ANKS1B: variants seen among roughly 807,000 people sequenced by gnomAD.
ANKS1B encodes ankyrin repeat and sterile alpha motif domain containing 1B.
In ANKS1B, 36 loss-of-function variants were observed where a neutral mutation model predicts 148.3. The ratio of observed to expected loss-of-function variants is 0.24; its 90% CI spans 0.19 to 0.32. ANKS1B has a LOEUF of 0.32. ANKS1B is among the 10% of genes least tolerant of loss of function. The pLI is 1.00. For synonymous variants in ANKS1B, 542 were observed against 560.8 expected (o/e 0.97, Z 0.47); for missense variants, 1,157 against 1,542.6 (o/e 0.75, Z 4.19).
intron 11 of ANKS1B, among the ~76,000 whole-genome samples, chr12:99,426,908 C>G (rs1013145406): frequency 2.6e-5 from 4 of 152,122 alleles, no homozygotes; most frequent in Non-Finnish European, 5.9e-5. Flanking sequence ...CTCACCATTT[C>G]AGTAAATGGC....
chr12:99,455,838 G>C (rs922908252), intron 10 of ANKS1B, among the ~76,000 whole-genome samples: 1 of 151,992 alleles, frequency 6.6e-6, no homozygotes, highest in African/African-American at 2.4e-5. Flanking sequence ...TGCTGGCCCT[G>C]GTAGCTGAAG....
intron 17 of ANKS1B, among the ~76,000 whole-genome samples, chr12:99,019,964 A>G (rs1418455400): frequency 1.3e-5 from 2 of 152,310 alleles, no homozygotes; most frequent in South Asian, 4.1e-4. Context: ...CAGAAAAAGA[A>G]TTCAGAATAA....
intron 12 of ANKS1B, among the ~76,000 whole-genome samples, chr12:99,334,450 C>T (rs1049208270): frequency 6.6e-6 from 1 of 152,042 alleles, no homozygotes; most frequent in Non-Finnish European, 1.5e-5. Flanking sequence ...AAAAATTATA[C>T]TTGCTCAATA....
At chr12:99,043,644 A>G (rs1043883291) in intron 17 of ANKS1B, among the ~76,000 whole-genome samples, 1 of 152,212 alleles carries the variant, frequency 6.6e-6, no homozygotes, top group East Asian at 1.9e-4. Context: ...AGCATAATAC[A>G]TTTCTTTACA....
intron 17 of ANKS1B, chr12:98,895,144 A>G: frequency 3.0e-6 from 3 of 984,026 alleles, no homozygotes; most frequent in Non-Finnish European, 3.6e-6. Context: ...GCTCGGGCGG[A>G]CCCTCACTGC....
At chr12:99,524,978 T>C (rs905067122) in intron 9 of ANKS1B, among the ~76,000 whole-genome samples, 1 of 152,084 alleles carries the variant, frequency 6.6e-6, no homozygotes, top group African/African-American at 2.4e-5. Flanking sequence ...GAGCAGCTCA[T>C]AGAAGCTGGA....
At chr12:99,791,487 A>G (rs2153644914) in intron 4 of ANKS1B, among the ~76,000 whole-genome samples, 1 of 152,154 alleles carries the variant, frequency 6.6e-6, no homozygotes, top group Non-Finnish European at 1.5e-5. Flanking sequence ...ATCATTCTCA[A>G]GGACAGACCA....
At chr12:99,116,505 T>C (rs925486405) in intron 15 of ANKS1B, among the ~76,000 whole-genome samples, 1 of 152,206 alleles carries the variant, frequency 6.6e-6, no homozygotes, top group Non-Finnish European at 1.5e-5. Flanking sequence ...TCAGTAAAAT[T>C]TAGTGACTAT....
At chr12:99,485,055 T>C (rs2096469874) in intron 10 of ANKS1B, among the ~76,000 whole-genome samples, 1 of 151,942 alleles carries the variant, frequency 6.6e-6, no homozygotes, top group African/African-American at 2.4e-5. Context: ...TTCTGTTCTC[T>C]TCATCATAGT....
intron 9 of ANKS1B, among the ~76,000 whole-genome samples, chr12:99,569,880 C>T (rs2097433892): frequency 6.6e-6 from 1 of 152,194 alleles, no homozygotes. Flanking sequence ...AGGTGTTGAT[C>T]TCAATGCCCT....
At chr12:99,545,633 A>G (rs1052831622) in intron 9 of ANKS1B, among the ~76,000 whole-genome samples, 2 of 151,964 alleles carry the variant, frequency 1.3e-5, no homozygotes, top group Non-Finnish European at 2.9e-5. Context: ...AGAATGGTAT[A>G]GAAGAAATAA....
intron 10 of ANKS1B, among the ~76,000 whole-genome samples, chr12:99,465,271 C>G (rs912311265): frequency 3.3e-5 from 5 of 152,088 alleles, no homozygotes; most frequent in Admixed American, 3.3e-4. Context: ...CAGGCCTGCC[C>G]TAAAAGAGCT....
chr12:99,921,388 A>G (rs1052903730), intron 1 of ANKS1B, among the ~76,000 whole-genome samples: 1 of 152,150 alleles, frequency 6.6e-6, no homozygotes, highest in Admixed American at 6.6e-5. Flanking sequence ...CCAGCCATGC[A>G]GAACTGTGAG....
chr12:99,383,865 A>G (rs1385675334), intron 12 of ANKS1B, among the ~76,000 whole-genome samples: 5 of 139,670 alleles, frequency 3.6e-5, no homozygotes, highest in African/African-American at 1.1e-4. Flanking sequence ...AAAAAAAAAA[A>G]AAGAAAAGAA....
intron 12 of ANKS1B, among the ~76,000 whole-genome samples, chr12:99,392,161 C>T (rs1359068008): frequency 6.6e-6 from 1 of 152,226 alleles, no homozygotes; most frequent in Non-Finnish European, 1.5e-5. Context: ...CCTGGCCTTC[C>T]TGTCGGCTGG....
At chr12:99,667,509 A>G (rs1272341058) in intron 8 of ANKS1B, among the ~76,000 whole-genome samples, 4 of 152,150 alleles carry the variant, frequency 2.6e-5, no homozygotes, top group Non-Finnish European at 5.9e-5. Context: ...AGGATTTTCT[A>G]TGTAAATGAT....
intron 12 of ANKS1B, among the ~76,000 whole-genome samples, chr12:99,301,607 T>C (rs768173134): frequency 9.9e-5 from 15 of 152,168 alleles, no homozygotes; most frequent in Non-Finnish European, 2.2e-4. Flanking sequence ...GATTTACTCA[T>C]TCACTGGTTC....
intron 17 of ANKS1B, among the ~76,000 whole-genome samples, chr12:98,885,993 G>A (rs2099739177): frequency 6.6e-6 from 1 of 152,116 alleles, no homozygotes; most frequent in Admixed American, 6.6e-5. Context: ...AGCATTCTAA[G>A]GGAGGGAGGC....
intron 5 of ANKS1B, among the ~76,000 whole-genome samples, chr12:99,780,410 G>A (rs1000679691): frequency 2.6e-5 from 4 of 152,016 alleles, no homozygotes; most frequent in African/African-American, 9.7e-5. Flanking sequence ...TGAGTAGCTG[G>A]GACTACAGGT....
Sources: gnomAD v4.1 joint callset for allele counts (sites outside exome capture counted in the v4.1 genomes callset) on GRCh38, gnomAD v4.1.1 for gene constraint, MANE v1.5 for transcripts, NCBI Gene and HGNC (gene_info 2026-07-23, HGNC 2026-07-21) for gene names.